Variants in PRRX2 observed in about 807,000 individuals in gnomAD.
PRRX2 encodes the protein paired related homeobox 2, also known as paired mesoderm homeobox protein 2.
In PRRX2, 11 loss-of-function variants were observed where a neutral mutation model predicts 18.0. That is an observed-to-expected ratio of 0.61 (90% CI 0.39 to 1.01). The LOEUF is 1.01. Among genes scored for constraint, PRRX2 ranks in the 50% least tolerant of loss-of-function variants. The probability of loss-of-function intolerance (pLI) is 0.01; values close to 1 mark genes in which losing one functional copy is unlikely to be tolerated. For synonymous variants in PRRX2, 177 were observed against 154.8 expected (o/e 1.14, Z -1.06); for missense variants, 387 against 351.0 (o/e 1.10, Z -0.82).
intron 1 of PRRX2, among the ~76,000 whole-genome samples, chr9:129,678,471 G>A (rs1051513683): frequency 3.3e-5 from 5 of 152,200 alleles, no homozygotes; most frequent in East Asian, 1.9e-4. Flanking sequence ...GACAACACAC[G>A]ACGGGGCCCC....
intron 1 of PRRX2, among the ~76,000 whole-genome samples, chr9:129,700,097 C>T (rs186806055): frequency 8.4e-4 from 128 of 152,342 alleles, no homozygotes; most frequent in African/African-American, 2.8e-3. Flanking sequence ...GCACTTACTA[C>T]GTGCCAGGCA....
chr9:129,720,061 G>A (rs1832769038), intron 2 of PRRX2, among the ~76,000 whole-genome samples: 1 of 150,132 alleles, frequency 6.7e-6, no homozygotes, highest in Non-Finnish European at 1.5e-5. Flanking sequence ...GGCACCAAGG[G>A]TTCTGATAAA....
At chr9:129,674,617 C>A (rs1197270473) in intron 1 of PRRX2, among the ~76,000 whole-genome samples, 4 of 152,102 alleles carry the variant, frequency 2.6e-5, no homozygotes, top group Admixed American at 2.0e-4. Context: ...CCCCCCCGCC[C>A]CCAGAGCTGA....
At chr9:129,692,241 C>T (rs10988477) in intron 1 of PRRX2, among the ~76,000 whole-genome samples, 24,553 of 151,594 alleles carry the variant, frequency 0.16, 2,820 homozygotes, top group African/African-American at 0.32. Context: ...TGAGCCACCA[C>T]GCCTGGCCTA....
intron 1 of PRRX2, among the ~76,000 whole-genome samples, chr9:129,685,425 G>C (rs1240411446): frequency 2.0e-5 from 3 of 152,096 alleles, no homozygotes; most frequent in African/African-American, 7.2e-5. Flanking sequence ...GGAGTGCAGT[G>C]GCACAATCAC....
chr9:129,720,983 ATG>A lies in PRRX2; in HGVS notation c.626+221_626+222del, dbSNP rs144360786. The stretch of plus-strand genomic sequence containing the variant: ...GCACGTGCATGTTGTAAGAGTTGGC[ATG>A]TGTGTGTGTGTCAACGTACATGTGG... On this transcript the variant is annotated intron_variant, in intron 3 of 3. Coordinates refer to ENST00000372469, the MANE Select transcript of PRRX2 (RefSeq NM_016307.4). Among the ~76,000 whole-genome samples, 265 of 151,120 alleles carry A rather than the reference ATG, an allele frequency of 1.8e-3. 1 individual carries two copies. Among genetic ancestry groups the A allele is most frequent in the African/African-American group, 5.7e-3 (232 of 40,516 alleles).
chr9:129,700,808 G>A (rs531794477), intron 1 of PRRX2, among the ~76,000 whole-genome samples: 3 of 152,062 alleles, frequency 2.0e-5, no homozygotes, highest in Non-Finnish European at 4.4e-5. Context: ...TGTAAAGGTG[G>A]GGGTTTTGCC....
At chr9:129,711,795 C>T (rs1452728023) in intron 1 of PRRX2, among the ~76,000 whole-genome samples, 4 of 152,172 alleles carry the variant, frequency 2.6e-5, no homozygotes, top group Admixed American at 6.6e-5. Flanking sequence ...GAGCCAGACC[C>T]GGACCGGCCA....
Position 129,720,740 on chromosome 9 carries a change from G to C in PRRX2, c.592G>C (p.Asp198His). The change falls in exon 3 of 4, where the codon GAT (aspartate) becomes CAT (histidine). Residue 198 changes from aspartate (D) to histidine (H), a missense_variant. Physicochemically the swap from Asp to His is moderately conservative, Grantham distance 81. Transcript: ENST00000372469. ...VAPRPTALSP[D>H]YLSWTASSPY... ...TCCCCGGCCCACCGCCCTGAGTCCA[G>C]ATTATCTCTCCTGGACAGCCTCGTC... The C allele has an allele frequency of 2.5e-6, 4 of 1,610,556 alleles. No homozygotes were observed. The highest frequency in any genetic ancestry group is 3.4e-6 in the Non-Finnish European group (4 of 1,178,490).
intron 1 of PRRX2, among the ~76,000 whole-genome samples, chr9:129,681,631 T>A (rs1331470634): frequency 6.6e-6 from 1 of 152,098 alleles, no homozygotes; most frequent in Non-Finnish European, 1.5e-5. Flanking sequence ...GTTGTGAATG[T>A]CTTGGATTTG....
chr9:129,677,219 C>T (rs1033602889), intron 1 of PRRX2, among the ~76,000 whole-genome samples: 1 of 152,262 alleles, frequency 6.6e-6, no homozygotes, highest in Non-Finnish European at 1.5e-5. Flanking sequence ...TGCCAGTCTC[C>T]GAGCTCTAGG....
chr9:129,708,037 C>T (rs1832578206), intron 1 of PRRX2, among the ~76,000 whole-genome samples: 1 of 152,060 alleles, frequency 6.6e-6, no homozygotes, highest in Non-Finnish European at 1.5e-5. Flanking sequence ...GTTATCAGGC[C>T]ACCTGCCCTG....
At position 129,691,331 on chromosome 9, in the gene PRRX2, CA is replaced by C. The variant is rs57839880; in HGVS notation, c.259+25217del. Among the ~76,000 whole-genome samples, 996 of 142,132 alleles carry C rather than the reference CA, an allele frequency of 7.0e-3. 12 individuals carry two copies. The highest frequency in any genetic ancestry group is 0.02 in the African/African-American group (789 of 39,018). 93.2% of individuals were successfully genotyped at this position (142,132 alleles called of 152,430 possible). On this transcript the variant is annotated intron_variant, in intron 1 of 3. Coordinates refer to ENST00000372469, the MANE Select transcript of PRRX2 (RefSeq NM_016307.4). ...AGCCTGCATGACAAAGCGACTCTGT[CA>C]AAAAAAAAAAATTATATAAACTTAC...
chr9:129,720,550 G>A (rs1832775622), intron 2 of PRRX2, 46 bp from the exon 3 acceptor site: 1 of 1,527,406 alleles, frequency 6.5e-7, no homozygotes, highest in African/African-American at 1.4e-5. Context: ...GAAGGACTTG[G>A]GTCCCCCCTG....
chr9:129,697,325 C>T (rs1202554415), intron 1 of PRRX2, among the ~76,000 whole-genome samples: 3 of 152,088 alleles, frequency 2.0e-5, no homozygotes, highest in Admixed American at 1.3e-4. Flanking sequence ...GTCCCGCTCC[C>T]CCTCCCCTAG....
intron 1 of PRRX2, among the ~76,000 whole-genome samples, chr9:129,698,207 C>T (rs1013234371): frequency 3.1e-5 from 4 of 129,226 alleles, no homozygotes; most frequent in Non-Finnish European, 3.2e-5. Context: ...AGCAGTGGAG[C>T]TGGGAGCTCC....
chr9:129,700,378 G>A (rs1284367312), intron 1 of PRRX2, among the ~76,000 whole-genome samples: 8 of 147,734 alleles, frequency 5.4e-5, no homozygotes, highest in South Asian at 2.1e-4. Context: ...TCGCTCTGTC[G>A]CCCAGGCTGG....
intron 1 of PRRX2, among the ~76,000 whole-genome samples, chr9:129,673,722 CT>C (rs1196569086): frequency 1.3e-5 from 2 of 152,212 alleles, no homozygotes; most frequent in Admixed American, 6.5e-5. Context: ...GCCCGGCCCC[CT>C]GATGGAGCCC....
intron 1 of PRRX2, among the ~76,000 whole-genome samples, chr9:129,701,999 G>A (rs1288971313): frequency 6.6e-6 from 1 of 152,186 alleles, no homozygotes; most frequent in Non-Finnish European, 1.5e-5. Context: ...TACTCAGGAG[G>A]CTGAGGCAGG....
Sources: gnomAD v4.1 joint callset for allele counts (sites outside exome capture counted in the v4.1 genomes callset) on GRCh38, gnomAD v4.1.1 for gene constraint, MANE v1.5 for transcripts, NCBI Gene and HGNC (gene_info 2026-07-23, HGNC 2026-07-21) for gene names.